Variants in ARMH3 observed in about 807,000 individuals in gnomAD.
ARMH3 encodes armadillo like helical domain containing 3.
In ARMH3, 60 loss-of-function variants were observed where a neutral mutation model predicts 99.1. The ratio of observed to expected loss-of-function variants is 0.61; its 90% CI spans 0.49 to 0.75. ARMH3 has a LOEUF of 0.75. Among genes scored for constraint, ARMH3 ranks in the 30% least tolerant of loss-of-function variants. The pLI is 0.00. For missense variants in ARMH3, 679 were observed against 843.1 expected, an observed-to-expected ratio of 0.81 and a Z score of 2.41; for synonymous variants, 285 against 292.8, an observed-to-expected ratio of 0.97 and a Z score of 0.27.
chr10:101,877,927 T>G (rs1208049545), intron 24 of ARMH3, among the ~76,000 whole-genome samples: 1 of 151,972 alleles, frequency 6.6e-6, no homozygotes, highest in Non-Finnish European at 1.5e-5. Flanking sequence ...TTTTTTTCTA[T>G]AAACAAAATG....
intron 23 of ARMH3, among the ~76,000 whole-genome samples, chr10:101,929,161 T>C (rs968683695): frequency 6.6e-5 from 10 of 152,268 alleles, no homozygotes; most frequent in African/African-American, 2.4e-4. Context: ...GACTACATTA[T>C]CTAAGTACTG....
intron 1 of ARMH3, among the ~76,000 whole-genome samples, chr10:102,046,708 C>G (rs2067562441): frequency 6.6e-6 from 1 of 150,788 alleles, no homozygotes; most frequent in Middle Eastern, 3.7e-3. Flanking sequence ...TGTAGGGACT[C>G]AAACCCAGGC....
At chr10:101,957,009 A>G (rs1186724126) in intron 21 of ARMH3, among the ~76,000 whole-genome samples, 1 of 152,240 alleles carries the variant, frequency 6.6e-6, no homozygotes, top group South Asian at 2.1e-4. Context: ...TATAACTATT[A>G]TATCTGTGTG....
chr10:101,924,915 A>T (rs1843451994), intron 23 of ARMH3, among the ~76,000 whole-genome samples: 1 of 151,646 alleles, frequency 6.6e-6, no homozygotes, highest in Non-Finnish European at 1.5e-5. Context: ...GATTGCTTGA[A>T]CCTCGGAGGA....
intron 1 of ARMH3, among the ~76,000 whole-genome samples, chr10:102,055,273 G>A (rs1249031627): frequency 2.0e-5 from 3 of 151,520 alleles, no homozygotes; most frequent in African/African-American, 7.3e-5. Flanking sequence ...CTCCAGACTG[G>A]GCGACAACAG....
intron 23 of ARMH3, among the ~76,000 whole-genome samples, chr10:101,921,154 A>G (rs1016165458): frequency 6.6e-6 from 1 of 152,212 alleles, no homozygotes; most frequent in Admixed American, 6.5e-5. Context: ...AAAATCTTAA[A>G]AACGTTTTTT....
chr10:101,978,243 C>T (rs1846090210), intron 19 of ARMH3, among the ~76,000 whole-genome samples: 1 of 152,050 alleles, frequency 6.6e-6, no homozygotes, highest in African/African-American at 2.4e-5. Flanking sequence ...GCAAGTAAAT[C>T]ATTACACACA....
At chr10:101,920,130 A>C (rs1052460303) in intron 23 of ARMH3, among the ~76,000 whole-genome samples, 3 of 152,204 alleles carry the variant, frequency 2.0e-5, no homozygotes, top group Admixed American at 1.3e-4. Flanking sequence ...TGAGACATAG[A>C]TGCTTCCTGC....
chr10:101,980,677 A>G (rs1230508127), intron 19 of ARMH3, among the ~76,000 whole-genome samples: 1 of 152,118 alleles, frequency 6.6e-6, no homozygotes, highest in East Asian at 1.9e-4. Context: ...CAGACACCAC[A>G]TTAATCTGTG....
At chr10:101,862,666 C>T (rs1177665397) in intron 24 of ARMH3, among the ~76,000 whole-genome samples, 2 of 150,242 alleles carry the variant, frequency 1.3e-5, no homozygotes, top group East Asian at 1.9e-4. Context: ...AAAACGAAAA[C>T]GGATAACTAA....
At chr10:102,014,121 C>T (rs969394202) in intron 8 of ARMH3, 97 bp from the exon 9 acceptor site, 4 of 885,484 alleles carry the variant, frequency 4.5e-6, no homozygotes, top group Middle Eastern at 2.3e-4. Flanking sequence ...TCCATAAGGC[C>T]CTCTCTCTAC....
At chr10:102,052,063 A>G (rs1054820346) in intron 1 of ARMH3, among the ~76,000 whole-genome samples, 1 of 152,134 alleles carries the variant, frequency 6.6e-6, no homozygotes, top group South Asian at 2.1e-4. Flanking sequence ...GATTCCTGTA[A>G]ATTAATACTT....
At chr10:101,859,774 CA>C (rs2066819613) in intron 24 of ARMH3, among the ~76,000 whole-genome samples, 1 of 152,106 alleles carries the variant, frequency 6.6e-6, no homozygotes, top group African/African-American at 2.4e-5. Context: ...ATATAGCAAC[CA>C]AAAGAGTTGT....
intron 9 of ARMH3, 95 bp downstream of exon 9, chr10:102,013,872 AT>A: frequency 9.6e-7 from 1 of 1,038,806 alleles, no homozygotes; most frequent in South Asian, 1.6e-5. Flanking sequence ...AATTGACAGA[AT>A]AGCTCTCTGC....
rs10639768 is a variant in ARMH3, at chr10:102,007,159, CAAAA to C, written c.955-530_955-527del. On this transcript the variant is annotated intron_variant, in intron 13 of 25. Transcript: ENST00000370033. Reference sequence around the variant, plus strand: ...CTGGTGACACAGCAAGACTCTATCTCAAAAAAAAAAAAAAAAAAAGAAAAAAAAA... The same window carrying C: ...CTGGTGACACAGCAAGACTCTATCTCAAAAAAAAAAAAAAAGAAAAAAAAA... Among the ~76,000 whole-genome samples the C allele has an allele frequency of 3.2e-4, 19 of 60,042 alleles. 1 individual carries two copies. Among genetic ancestry groups the C allele is most frequent in the African/African-American group, 9.9e-4 (14 of 14,176 alleles). 39.4% of individuals were successfully genotyped at this position (60,042 alleles called of 152,430 possible).
intron 23 of ARMH3, among the ~76,000 whole-genome samples, chr10:101,924,864 C>G (rs952577722): frequency 6.6e-6 from 1 of 151,872 alleles, no homozygotes; most frequent in Admixed American, 6.6e-5. Flanking sequence ...TGTGGTGGCA[C>G]GCACATGTAG....
intron 24 of ARMH3, among the ~76,000 whole-genome samples, chr10:101,870,162 A>G (rs1190059504): frequency 1.3e-5 from 2 of 152,264 alleles, no homozygotes; most frequent in African/African-American, 4.8e-5. Flanking sequence ...CACATTACTC[A>G]TATCATGAAT....
At chr10:101,879,581 GC>G (rs2067359739) in intron 24 of ARMH3, among the ~76,000 whole-genome samples, 1 of 151,794 alleles carries the variant, frequency 6.6e-6, no homozygotes, top group Admixed American at 6.6e-5. Flanking sequence ...CAAATTCCTG[GC>G]CCCAGTTGAT....
intron 24 of ARMH3, among the ~76,000 whole-genome samples, chr10:101,872,222 AGTGTGT>A (rs139187179): frequency 1.3e-5 from 2 of 150,044 alleles, no homozygotes; most frequent in African/African-American, 4.9e-5. Context: ...ATATTTAGAG[AGTGTGT>A]GTGTGTGTGT....
Sources: allele counts gnomAD v4.1 joint callset (sites outside exome capture counted in the v4.1 genomes callset), GRCh38; gene constraint gnomAD v4.1.1; transcripts MANE v1.5; gene names NCBI Gene and HGNC (gene_info 2026-07-23, HGNC 2026-07-21).